Variants in KCNQ4 observed in about 807,000 individuals in gnomAD.
KCNQ4 encodes potassium voltage-gated channel subfamily Q member 4, also known as potassium voltage-gated channel subfamily KQT member 4.
KCNQ4 carries 31 observed loss-of-function variants against 72.6 expected under a neutral mutation model. That is an observed-to-expected ratio of 0.43 (90% CI 0.32 to 0.58). The LOEUF (loss-of-function observed/expected upper bound fraction) is 0.58. Ranked by LOEUF, KCNQ4 falls within the 20% of genes least tolerant of loss-of-function variation. The probability of loss-of-function intolerance (pLI) is 0.08; values close to 1 mark genes in which losing one functional copy is unlikely to be tolerated. For missense variants in KCNQ4, 869 were observed against 962.6 expected, an observed-to-expected ratio of 0.90 and a Z score of 1.29; for synonymous variants, 405 against 403.7, an observed-to-expected ratio of 1.00 and a Z score of -0.04.
chr1:40,784,472 C>A lies in KCNQ4; in HGVS notation c.314+65C>A. 2.7e-6 allele frequency: 4 copies of A among 1,499,062 alleles called. No homozygotes were observed. Among genetic ancestry groups the A allele is most frequent in the Admixed American group, 1.7e-5 (1 of 59,398 alleles). The allele number at this position is 1,499,062 out of a possible 1,614,324, so 92.9% of individuals were successfully genotyped here. A position where few individuals can be genotyped will look rare whatever the true frequency, so the allele number is the denominator to read the frequency against. On this transcript the variant is annotated intron_variant, in intron 1 of 13. Transcript: ENST00000347132. This position sits in a 1 kb window ranked among gnomAD's most constrained non-coding sequence, Gnocchi z 4.1. Reference sequence around the variant, plus strand: ...CAAGCCTGGCCTCCCGGGGCACGGCCGCCCCGCCCTGGCTCCGCCTTCTAC... The same window carrying A: ...CAAGCCTGGCCTCCCGGGGCACGGCAGCCCCGCCCTGGCTCCGCCTTCTAC...
chr1:40,785,880 C>T (rs1170713680), intron 1 of KCNQ4, among the ~76,000 whole-genome samples: 6 of 151,976 alleles, frequency 3.9e-5, no homozygotes, highest in African/African-American at 1.2e-4. Flanking sequence ...CCATTAAGTG[C>T]GTTGGGGGTG....
At chr1:40,789,097 C>T (rs780606404) in intron 1 of KCNQ4, among the ~76,000 whole-genome samples, 8 of 152,170 alleles carry the variant, frequency 5.3e-5, no homozygotes, top group Admixed American at 2.0e-4. Context: ...GCTGCCCTTG[C>T]GGGTCTGTGT....
At chr1:40,787,741 A>AC (rs1290199664) in intron 1 of KCNQ4, among the ~76,000 whole-genome samples, 1 of 152,140 alleles carries the variant, frequency 6.6e-6, no homozygotes, top group Non-Finnish European at 1.5e-5. Context: ...TGAAGCCTTC[A>AC]CAGGCCCTGC....
chr1:40,838,902 C>A lies in KCNQ4; in HGVS notation c.*379C>A. ...AGCTTCCAGCTATGCAAGGTGAGGT[C>A]TCTGGCCCACCCTTCGGACACAGCA... On this transcript the variant is annotated 3_prime_UTR_variant, in exon 14 of 14. Coordinates refer to ENST00000347132, the MANE Select transcript of KCNQ4 (RefSeq NM_004700.4). 1 of 357,194 alleles carries A rather than the reference C, an allele frequency of 2.8e-6. No homozygotes were observed. Among genetic ancestry groups the A allele is most frequent in the Admixed American group, 4.0e-5 (1 of 25,156 alleles). The allele number at this position is 357,194 out of a possible 1,614,324, so 22.1% of individuals were successfully genotyped here. A position where few individuals can be genotyped will look rare whatever the true frequency, so the allele number is the denominator to read the frequency against.
At chr1:40,815,693 G>T (rs1231914366) in intron 1 of KCNQ4, among the ~76,000 whole-genome samples, 2 of 152,098 alleles carry the variant, frequency 1.3e-5, no homozygotes, top group African/African-American at 4.8e-5. Context: ...AGGGGTATTT[G>T]CTGGGATACA....
chr1:40,803,396 C>G (rs1232632487), intron 1 of KCNQ4, among the ~76,000 whole-genome samples: 5 of 152,212 alleles, frequency 3.3e-5, no homozygotes, highest in Non-Finnish European at 5.9e-5. Flanking sequence ...CAGAACCCAC[C>G]GACCCAGCTT....
intron 12 of KCNQ4, 29 bp from the exon 13 acceptor site, chr1:40,837,636 G>A (rs1397986685): frequency 4.4e-6 from 7 of 1,602,716 alleles, no homozygotes; most frequent in East Asian, 2.2e-5. Context: ...GCGTGTCCCC[G>A]GGCCCTCTGA....
Position 40,838,543 on chromosome 1 carries a change from G to T in KCNQ4, c.*20G>T. The T allele has an allele frequency of 6.2e-7, 1 of 1,610,138 alleles. No homozygotes were observed. On this transcript the variant is annotated 3_prime_UTR_variant, in exon 14 of 14. Coordinates refer to ENST00000347132, the MANE Select transcript of KCNQ4 (RefSeq NM_004700.4). The stretch of plus-strand genomic sequence containing the variant: ...GACTGAGGGACTTCTCAGAGGCAGG[G>T]CAGCACACGGCCAGCCCCGCGGCCT...
rs727503105 is a variant in KCNQ4 at position 40,824,229 on chromosome 1, G to A, written c.1263G>A (p.Pro421=). 64 of 1,607,992 alleles carry A rather than the reference G, an allele frequency of 4.0e-5. No individual in the cohort carries two copies. Among genetic ancestry groups the A allele is most frequent in the African/African-American group, 1.5e-4 (11 of 74,848 alleles). The change falls in exon 9 of 14, where the codon CCG becomes CCA. Residue 421 remains proline (P), a synonymous_variant. Transcript: ENST00000347132. The stretch of plus-strand genomic sequence containing the variant: ...CGCCCGTTGCCACCTGCCACCGGCC[G>A]GGCAGCACCTCCTTCTGCCCTGGGG... The part of the protein sequence containing the change: ...RYPPVATCHR[P]GSTSFCPGES...
chr1:40,788,640 G>T lies in KCNQ4; in HGVS notation c.314+4233G>T, dbSNP rs1287562102. On this transcript the variant is annotated intron_variant, in intron 1 of 13. Coordinates refer to ENST00000347132, the MANE Select transcript of KCNQ4 (RefSeq NM_004700.4). The surrounding 1 kb of genome is among the most constrained non-coding windows in gnomAD (Gnocchi z 4.5). ...GCGGGGGCTGACTGGGAGCTGTTGCGCTCAGCACCACAGCCTCAGCTAGCA... is the reference window on the plus strand; with the variant it reads ...GCGGGGGCTGACTGGGAGCTGTTGCTCTCAGCACCACAGCCTCAGCTAGCA... 1.3e-5 allele frequency among the ~76,000 whole-genome samples: 2 copies of T among 152,146 alleles called. No individual in the cohort carries two copies. Among genetic ancestry groups the T allele is most frequent in the African/African-American group, 4.8e-5 (2 of 41,430 alleles).
intron 1 of KCNQ4, among the ~76,000 whole-genome samples, chr1:40,800,790 G>A (rs1396023845): frequency 6.6e-6 from 1 of 152,208 alleles, no homozygotes; most frequent in Non-Finnish European, 1.5e-5. Flanking sequence ...TCTCCCTCTT[G>A]TAGAATAGTG....
At chr1:40,813,800 T>G (rs1648000064) in intron 1 of KCNQ4, among the ~76,000 whole-genome samples, 1 of 151,982 alleles carries the variant, frequency 6.6e-6, no homozygotes, top group African/African-American at 2.4e-5. Flanking sequence ...CAGGCTGGAG[T>G]GCAGTGGCGC....
At chr1:40,787,818 C>T (rs947696863) in intron 1 of KCNQ4, among the ~76,000 whole-genome samples, 1 of 152,188 alleles carries the variant, frequency 6.6e-6, no homozygotes, top group East Asian at 1.9e-4. Context: ...GGGGAATGCT[C>T]GCTGTCCCCT....
chr1:40,837,894 T>C (rs1648852253), intron 13 of KCNQ4, 100 bp downstream of exon 13: 1 of 1,495,562 alleles, frequency 6.7e-7, no homozygotes, highest in Admixed American at 2.0e-5. Flanking sequence ...AGCCCAAGGG[T>C]CCCCGAGAAG....
At chr1:40,808,631 C>G (rs1296636518) in intron 1 of KCNQ4, among the ~76,000 whole-genome samples, 1 of 152,182 alleles carries the variant, frequency 6.6e-6, no homozygotes, top group Non-Finnish European at 1.5e-5. Context: ...ACAGCCTCCT[C>G]CCACCTACAT....
Position 40,837,706 on chromosome 1 carries a change from C to T in KCNQ4, c.1787C>T (p.Ala596Val). The T allele has an allele frequency of 6.2e-7, 1 of 1,613,372 alleles. No individual in the cohort carries two copies. The highest frequency in any genetic ancestry group is 1.1e-5 in the South Asian group (1 of 90,956). ...GGTCGGGGGCCCGGGGACAGGAAGG[C>T]CCGGGAGAAGGGCGACAAGGGGCCC... Reference protein sequence around the residue: ...IVGRGPGDRKAREKGDKGPSD... With the variant: ...IVGRGPGDRKVREKGDKGPSD... Residue 596 changes from alanine to valine, a missense_variant, in exon 13 of 14, where the codon GCC becomes GTC. By Grantham distance (64) the Ala-to-Val change is moderately conservative. Around this residue, in one of 5 missense-constraint regions of KCNQ4, gnomAD observed 480 missense variants for 501.9 expected, o/e 0.96. Coordinates refer to ENST00000347132, the MANE Select transcript of KCNQ4 (RefSeq NM_004700.4).
Position 40,783,861 on chromosome 1 carries a change from C to A in KCNQ4, c.-233C>A. On this transcript the variant is annotated 5_prime_UTR_variant, in exon 1 of 14. An upstream open reading frame in the 5' UTR gains an earlier in-frame stop. Transcript: ENST00000347132. The surrounding 1 kb of genome is among the most constrained non-coding windows in gnomAD (Gnocchi z 4.4). ...GAGCGCGTAATAAGAGAGTTGGAGT[C>A]GGAAAGAGCAGCCCCAGTCGCCGGG... 1 of 152,102 alleles carries A rather than the reference C, an allele frequency of 6.6e-6. No homozygotes were observed. Among genetic ancestry groups the A allele is most frequent in the South Asian group, 1.8e-4 (1 of 5,444 alleles). The allele number at this position is 152,102 out of a possible 1,614,324, so 9.4% of individuals were successfully genotyped here.
At chr1:40,806,756 G>A (rs2148308196) in intron 1 of KCNQ4, among the ~76,000 whole-genome samples, 1 of 152,340 alleles carries the variant, frequency 6.6e-6, no homozygotes, top group South Asian at 2.1e-4. Context: ...GGGATAGAGA[G>A]CAGGGGGATG....
At chr1:40,786,384 C>T (rs79551712) in intron 1 of KCNQ4, among the ~76,000 whole-genome samples, 1 of 152,198 alleles carries the variant, frequency 6.6e-6, no homozygotes, top group East Asian at 1.9e-4. Context: ...GAAAGGACCG[C>T]CCCTTCCTCT....
Sources: gnomAD v4.1 joint callset for allele counts (sites outside exome capture counted in the v4.1 genomes callset) on GRCh38, gnomAD v4.1.1 for gene constraint, gnomAD v4.1.1 regional missense constraint, Gnocchi (gnomAD v3.1) non-coding constraint, MANE v1.5 for transcripts, NCBI Gene and HGNC (gene_info 2026-07-23, HGNC 2026-07-21) for gene names.